The following VPS13B variants were observed in gnomAD, a reference collection of about 807,000 sequenced individuals.
The protein encoded by VPS13B is vacuolar protein sorting 13 homolog B.
VPS13B carries 285 observed loss-of-function variants against 426.4 expected under a neutral mutation model. The ratio of observed to expected loss-of-function variants is 0.67; its 90% CI spans 0.61 to 0.74. The LOEUF is 0.74. Among genes scored for constraint, VPS13B ranks in the 30% least tolerant of loss-of-function variants. The pLI is 0.00. For synonymous variants in VPS13B, 1,676 were observed against 1,676.4 expected, an observed-to-expected ratio of 1.00 and a Z score of 0.01; for missense variants, 4,537 against 4,782.6, an observed-to-expected ratio of 0.95 and a Z score of 1.51.
At chr8:99,688,329 A>G (rs144052892) in intron 35 of VPS13B, among the ~76,000 whole-genome samples, 1 of 152,126 alleles carries the variant, frequency 6.6e-6, no homozygotes, top group Non-Finnish European at 1.5e-5. Context: ...AGGAGGCTTT[A>G]TAATAACTGA....
At chr8:99,181,007 T>G (rs977560271) in intron 16 of VPS13B, among the ~76,000 whole-genome samples, 1 of 152,228 alleles carries the variant, frequency 6.6e-6, no homozygotes, top group Non-Finnish European at 1.5e-5. Context: ...AGCTTGACTA[T>G]ATCCATCAAA....
chr8:99,474,470 A>G (rs867690960), intron 24 of VPS13B, among the ~76,000 whole-genome samples: 1 of 152,138 alleles, frequency 6.6e-6, no homozygotes, highest in Non-Finnish European at 1.5e-5. Context: ...TACAGGCATG[A>G]GCCACTGCAC....
chr8:99,577,886 C>T, intron 33 of VPS13B: 1 of 470,834 alleles, frequency 2.1e-6, no homozygotes, highest in Non-Finnish European at 3.9e-6. Context: ...CTGTTATATA[C>T]ATAACTTTAT....
chr8:99,442,540 G>C lies in VPS13B; in HGVS notation c.3350G>C (p.Cys1117Ser). ...QTSMPGTLVL[C>S]LPQIKIISAG... Reference sequence around the variant, plus strand: ...AGCATGCCGGGAACACTTGTCCTCTGTTTGCCTCAAATAAAGATTATTAGT... The same window carrying C: ...AGCATGCCGGGAACACTTGTCCTCTCTTTGCCTCAAATAAAGATTATTAGT... Residue 1117 changes from cysteine to serine, a missense_variant, in exon 23 of 62, where the codon TGT becomes TCT. Cys to Ser is a moderately radical substitution (Grantham distance 112). Coordinates refer to ENST00000357162, the MANE Select transcript of VPS13B (RefSeq NM_152564.5). 1.2e-6 allele frequency: 2 copies of C among 1,613,920 alleles called. No homozygotes were observed. The highest frequency in any genetic ancestry group is 1.3e-5 in the African/African-American group (1 of 75,000).
At chr8:99,372,976 A>AT (rs1813276130) in intron 19 of VPS13B, among the ~76,000 whole-genome samples, 1 of 152,234 alleles carries the variant, frequency 6.6e-6, no homozygotes, top group Non-Finnish European at 1.5e-5. Flanking sequence ...GTGGAATACT[A>AT]TGCAGTCACA....
At chr8:99,742,988 G>A (rs1470562548) in intron 39 of VPS13B, among the ~76,000 whole-genome samples, 5 of 152,196 alleles carry the variant, frequency 3.3e-5, no homozygotes, top group African/African-American at 1.2e-4. Context: ...CAATCAGGCA[G>A]GAGAAGGAAA....
intron 21 of VPS13B, among the ~76,000 whole-genome samples, chr8:99,398,266 A>G (rs1373003364): frequency 6.6e-6 from 1 of 152,166 alleles, no homozygotes; most frequent in Non-Finnish European, 1.5e-5. Flanking sequence ...CATTCAAAGG[A>G]ACTCTTTAAT....
At chr8:99,661,254 T>C in intron 34 of VPS13B, 100 bp from the exon 35 acceptor site, 2 of 1,449,036 alleles carry the variant, frequency 1.4e-6, no homozygotes, top group Non-Finnish European at 1.9e-6. Context: ...CAAACAGTTA[T>C]TTAACCAGTT....
chr8:99,067,737 C>G (rs1249660410), intron 3 of VPS13B, among the ~76,000 whole-genome samples: 1 of 152,100 alleles, frequency 6.6e-6, no homozygotes, highest in Non-Finnish European at 1.5e-5. Flanking sequence ...ATAATTTAAC[C>G]CTTTTAACCT....
At position 99,877,105 on chromosome 8, in the gene VPS13B, C is replaced by CCCACCT. The variant is rs1274501992; in HGVS notation, c.*1448_*1453dup. ...CATACTCCTCAGTTCACGCATTCCT[C>CCCACCT]CCACCTCCACCTCCCAAACTGCTGG... On this transcript the variant is annotated 3_prime_UTR_variant, in exon 62 of 62. Transcript: ENST00000357162. 1.3e-5 allele frequency: 2 copies of CCCACCT among 152,210 alleles called. No individual in the cohort carries two copies. The highest frequency in any genetic ancestry group is 2.9e-5 in the Non-Finnish European group (2 of 68,056). 9.4% of individuals were successfully genotyped at this position (152,210 alleles called of 1,614,324 possible). A position where few individuals can be genotyped will look rare whatever the true frequency, so the allele number is the denominator to read the frequency against.
intron 8 of VPS13B, among the ~76,000 whole-genome samples, chr8:99,132,324 G>A (rs1419123117): frequency 6.6e-6 from 1 of 152,148 alleles, no homozygotes. Flanking sequence ...TCTTCACCAG[G>A]AGTAGATTCC....
intron 39 of VPS13B, among the ~76,000 whole-genome samples, chr8:99,743,993 A>G (rs1204736660): frequency 1.3e-5 from 2 of 152,216 alleles, no homozygotes; most frequent in African/African-American, 4.8e-5. Flanking sequence ...ATTAAACTAA[A>G]GAGCTTCTGC....
chr8:99,647,229 A>G (rs1829613197), intron 34 of VPS13B, among the ~76,000 whole-genome samples: 1 of 152,178 alleles, frequency 6.6e-6, no homozygotes, highest in South Asian at 2.1e-4. Context: ...TCCTTTATAT[A>G]GAAATCATAT....
At chr8:99,132,176 C>T (rs970687705) in intron 8 of VPS13B, among the ~76,000 whole-genome samples, 19 of 151,768 alleles carry the variant, frequency 1.3e-4, no homozygotes, top group Admixed American at 1.2e-3. Flanking sequence ...GCATTACAGG[C>T]GTGAGCCACT....
intron 16 of VPS13B, among the ~76,000 whole-genome samples, chr8:99,188,193 G>A (rs1271056154): frequency 6.6e-6 from 1 of 150,886 alleles, no homozygotes; most frequent in Non-Finnish European, 1.5e-5. Context: ...ATTTTAAAGT[G>A]TACAATTAAG....
intron 30 of VPS13B, among the ~76,000 whole-genome samples, chr8:99,532,362 G>A (rs1009197260): frequency 6.6e-6 from 1 of 152,070 alleles, no homozygotes; most frequent in African/African-American, 2.4e-5. Context: ...ATGTCTACAA[G>A]CATTATATGA....
At chr8:99,331,682 T>C (rs1810551920) in intron 19 of VPS13B, among the ~76,000 whole-genome samples, 1 of 151,768 alleles carries the variant, frequency 6.6e-6, no homozygotes, top group South Asian at 2.1e-4. Flanking sequence ...ACAGTAAACT[T>C]CTTAGTACGT....
chr8:99,690,390 T>C (rs1296984702), intron 35 of VPS13B, among the ~76,000 whole-genome samples: 1 of 152,178 alleles, frequency 6.6e-6, no homozygotes, highest in Non-Finnish European at 1.5e-5. Flanking sequence ...TGACTTTGGG[T>C]TAAACAATGG....
At chr8:99,359,253 A>AT (rs1423823201) in intron 19 of VPS13B, among the ~76,000 whole-genome samples, 2 of 152,124 alleles carry the variant, frequency 1.3e-5, no homozygotes, top group Non-Finnish European at 2.9e-5. Context: ...TAGAAACAAC[A>AT]TTTTTTATAA....
Sources: allele counts gnomAD v4.1 joint callset (sites outside exome capture counted in the v4.1 genomes callset), GRCh38; gene constraint gnomAD v4.1.1; transcripts MANE v1.5; gene names NCBI Gene and HGNC (gene_info 2026-07-23, HGNC 2026-07-21).